PSMF1: variants seen among roughly 807,000 people sequenced by gnomAD.
PSMF1 encodes proteasome inhibitor PI31 subunit.
Under a neutral mutation model 29.3 loss-of-function variants are expected in PSMF1, and 30 were observed. The ratio of observed to expected loss-of-function variants is 1.02; its 90% CI spans 0.77 to 1.39. The LOEUF is 1.39. PSMF1 is among the 40% of genes most tolerant of loss of function. The pLI is 0.00. For synonymous variants in PSMF1, 134 were observed against 139.7 expected (o/e 0.96, Z 0.29); for missense variants, 344 against 357.5 (o/e 0.96, Z 0.31).
At chr20:1,134,954 C>T (rs1468354093) in intron 3 of PSMF1, 167 bp from the exon 4 acceptor site, 3 of 725,530 alleles carry the variant, frequency 4.1e-6, no homozygotes, top group South Asian at 3.0e-5. Context: ...GGCTGTTGCC[C>T]CCCTCACCCA....
Position 1,165,955 on chromosome 20 carries a change from T to C in PSMF1, c.*875T>C. On this transcript the variant is annotated 3_prime_UTR_variant, in exon 7 of 7. Coordinates refer to ENST00000335877, the MANE Select transcript of PSMF1 (RefSeq NM_006814.5). ...AAGCCTATGAAATTGGAGGTGGCTT[T>C]CCTGCTCTAAAGCATTTTGATGTCT... The C allele has an allele frequency of 7.3e-7, 1 of 1,368,440 alleles. No homozygotes were observed. The highest frequency in any genetic ancestry group is 9.4e-7 in the Non-Finnish European group (1 of 1,058,510). 84.8% of individuals were successfully genotyped at this position (1,368,440 alleles called of 1,614,324 possible).
chr20:1,133,569 A>ATT (rs1217034678), intron 3 of PSMF1, among the ~76,000 whole-genome samples: 9 of 53,300 alleles, frequency 1.7e-4, no homozygotes, highest in South Asian at 6.8e-4. Context: ...ATATATATAT[A>ATT]TTTTTTTTTT....
chr20:1,147,135 TATC>T lies in PSMF1; in HGVS notation c.551+11870_551+11872del, dbSNP rs112288654. On this transcript the variant is annotated intron_variant, in intron 4 of 6. Transcript: ENST00000335877. ...GGTCCATTATGGACATTGTTTCCGTTATCATCATCATCATCATCATCATCATCA... is the reference window on the plus strand; with the variant it reads ...GGTCCATTATGGACATTGTTTCCGTTATCATCATCATCATCATCATCATCA... Among the ~76,000 whole-genome samples, 974 of 146,724 alleles carry T rather than the reference TATC, an allele frequency of 6.6e-3. 3 individuals carry two copies. Among genetic ancestry groups the T allele is most frequent in the South Asian group, 0.013 (58 of 4,600 alleles).
At chr20:1,116,049 T>TTA (rs1555756137), upstream of PSMF1, among the ~76,000 whole-genome samples, 6 of 150,602 alleles carry the variant, frequency 4.0e-5, no homozygotes, top group Admixed American at 2.0e-4. Context: ...TTTTTTTTTT[T>TTA]AAACACTAGA....
intron 3 of PSMF1, among the ~76,000 whole-genome samples, chr20:1,127,931 G>C (rs1229838242): frequency 6.6e-6 from 1 of 152,142 alleles, no homozygotes; most frequent in East Asian, 1.9e-4. Flanking sequence ...ATTACCTCCT[G>C]CTCCCATACA....
intron 2 of PSMF1, among the ~76,000 whole-genome samples, chr20:1,126,493 G>A (rs957187268): frequency 2.6e-5 from 4 of 151,918 alleles, no homozygotes; most frequent in Non-Finnish European, 4.4e-5. Flanking sequence ...CCCTTTTGAT[G>A]AACATTTAGA....
intron 4 of PSMF1, among the ~76,000 whole-genome samples, chr20:1,151,195 T>C (rs1252347078): frequency 6.6e-6 from 1 of 152,234 alleles, no homozygotes; most frequent in Non-Finnish European, 1.5e-5. Context: ...TTCAGTGCCA[T>C]TGATTCTAGA....
intron 3 of PSMF1, among the ~76,000 whole-genome samples, chr20:1,133,460 A>G (rs1312030481): frequency 6.7e-6 from 1 of 149,512 alleles, no homozygotes; most frequent in Non-Finnish European, 1.5e-5. Context: ...CATGGCATAT[A>G]GTTCTTTTTA....
chr20:1,171,357 G>A lies in PSMF1; in HGVS notation c.*6277G>A, dbSNP rs139920462. ...AGGCTTCCCTGGGCCACAGGAATGG[G>A]CTCGGGCTCTCTGCTGGGCTCTGTC... is the stretch of plus-strand genomic sequence containing the variant. On this transcript the variant is annotated 3_prime_UTR_variant, in exon 7 of 7. Coordinates refer to ENST00000335877, the MANE Select transcript of PSMF1 (RefSeq NM_006814.5). Among the ~76,000 whole-genome samples, 126 of 152,278 alleles carry A rather than the reference G, an allele frequency of 8.3e-4. No individual in the cohort carries two copies. In the East Asian group the frequency reaches 0.022, roughly 27 times the overall value.
chr20:1,149,931 G>A (rs1374034852), intron 4 of PSMF1, among the ~76,000 whole-genome samples: 1 of 151,174 alleles, frequency 6.6e-6, no homozygotes, highest in Non-Finnish European at 1.5e-5. Flanking sequence ...AGGCTGAGGT[G>A]GGAGGATTGC....
At chr20:1,124,019 T>C (rs773940358) in intron 1 of PSMF1, among the ~76,000 whole-genome samples, 90 of 152,382 alleles carry the variant, frequency 5.9e-4, no homozygotes, top group Non-Finnish European at 1.0e-3. Flanking sequence ...TCCCAATTGT[T>C]ATTGTTCATT....
rs776444717 is a variant in PSMF1 at position 1,118,810 on chromosome 20, C to T, written c.37C>T (p.Pro13Ser). Residue 13 changes from proline (P) to serine (S), a missense_variant, in exon 1 of 7, where the codon CCG (proline) becomes TCG (serine). Physicochemically the swap from Pro to Ser is moderately conservative, Grantham distance 74. Coordinates refer to ENST00000335877, the MANE Select transcript of PSMF1 (RefSeq NM_006814.5). ...GGAGGTACTGTTCGCATCGGCAGCG[C>T]CGGCCATCACCTGCAGGCAGGACGC... ...GLEVLFASAA[P>S]AITCRQDALV... 6.2e-7 allele frequency: 1 copy of T among 1,613,578 alleles called. No individual in the cohort carries two copies. Among genetic ancestry groups the T allele is most frequent in the Non-Finnish European group, 8.5e-7 (1 of 1,179,728 alleles).
chr20:1,114,395 C>T (rs1290579545), upstream of PSMF1, among the ~76,000 whole-genome samples: 2 of 152,234 alleles, frequency 1.3e-5, no homozygotes, highest in Admixed American at 1.3e-4. Context: ...CCCTGTCTCA[C>T]CACGGGCTTC....
chr20:1,125,435 G>A, intron 1 of PSMF1, 63 bp from the exon 2 acceptor site: 2 of 1,494,390 alleles, frequency 1.3e-6, no homozygotes, highest in Non-Finnish European at 9.0e-7. Context: ...TATCTCGTGA[G>A]GTTCTTTATA....
At chr20:1,159,308 T>A (rs1440890916) in intron 4 of PSMF1, among the ~76,000 whole-genome samples, 1 of 152,010 alleles carries the variant, frequency 6.6e-6, no homozygotes, top group Non-Finnish European at 1.5e-5. Flanking sequence ...CCCAAAGTGC[T>A]TGGATTACAG....
chr20:1,124,313 G>A (rs2086125979), intron 1 of PSMF1, among the ~76,000 whole-genome samples: 1 of 152,000 alleles, frequency 6.6e-6, no homozygotes, highest in South Asian at 2.1e-4. Context: ...AAAGAAAAGA[G>A]GAAGACATCA....
At position 1,118,875 on chromosome 20, in the gene PSMF1, T is replaced by C. The variant is rs1425233489; in HGVS notation, c.102T>C (p.Gly34=). The C allele has an allele frequency of 3.7e-6, 6 of 1,614,124 alleles. No individual in the cohort carries two copies. In the Admixed American group the frequency reaches 8.3e-5, roughly 22 times the overall value. ...CFLHWEVVTH[G]YFGLGVGDQP... ...TGCATTGGGAAGTGGTGACACACGG[T>C]TACTTCGGCTTGGGTGTCGGTGACC... Residue 34 remains glycine, a synonymous_variant, in exon 1 of 7, where the codon GGT becomes GGC. Transcript: ENST00000335877.
In PSMF1 at chr20:1,127,422, C is replaced by T. The variant is rs755428246; in HGVS notation, c.283-4C>T. The T allele has an allele frequency of 3.1e-6, 5 of 1,589,452 alleles. No individual in the cohort carries two copies. In the East Asian group the frequency reaches 8.9e-5, roughly 28 times the overall value. On this transcript the variant is annotated splice_polypyrimidine_tract_variant and splice_region_variant and intron_variant, in intron 2 of 6. Coordinates refer to ENST00000335877, the MANE Select transcript of PSMF1 (RefSeq NM_006814.5). Reference sequence around the variant, plus strand: ...TCTCTCACTTTCTATTTTCACCCATCTAGGAATATGGCTCACAGCAAGTGG... The same window carrying T: ...TCTCTCACTTTCTATTTTCACCCATTTAGGAATATGGCTCACAGCAAGTGG...
intron 4 of PSMF1, among the ~76,000 whole-genome samples, chr20:1,155,053 C>T (rs2086576164): frequency 6.6e-6 from 1 of 152,192 alleles, no homozygotes; most frequent in Non-Finnish European, 1.5e-5. Flanking sequence ...TATGAAAACT[C>T]CTCATTGAGA....
Sources: allele counts gnomAD v4.1 joint callset (sites outside exome capture counted in the v4.1 genomes callset), GRCh38; gene constraint gnomAD v4.1.1; transcripts MANE v1.5; gene names NCBI Gene and HGNC (gene_info 2026-07-23, HGNC 2026-07-21).